SLX4IP: variants seen among roughly 807,000 people sequenced by gnomAD.
SLX4IP encodes SLX4 interacting protein, also known as protein SLX4IP.
In SLX4IP, 34 loss-of-function variants were observed where a neutral mutation model predicts 32.9. The ratio of observed to expected loss-of-function variants is 1.03; its 90% CI spans 0.79 to 1.38. The LOEUF is 1.38. SLX4IP is among the 40% of genes most tolerant of loss of function. The probability of loss-of-function intolerance (pLI) is 0.00; values close to 1 mark genes in which losing one functional copy is unlikely to be tolerated. For synonymous variants in SLX4IP, 172 were observed against 171.7 expected, an observed-to-expected ratio of 1.00 and a Z score of -0.01; for missense variants, 444 against 479.0, an observed-to-expected ratio of 0.93 and a Z score of 0.68.
rs200502559 is a variant in SLX4IP, at chr20:10,537,602, T to TG, written c.28-18627dup. The stretch of plus-strand genomic sequence containing the variant: ...AGACATGATGTTGATCTTTTTATGC[T>TG]GGATCAGTTTGATATTTACAGTTCA... On this transcript the variant is annotated intron_variant, in intron 2 of 7. Coordinates refer to ENST00000334534, the MANE Select transcript of SLX4IP (RefSeq NM_001009608.3). Among the ~76,000 whole-genome samples, 180 of 152,376 alleles carry TG rather than the reference T, an allele frequency of 1.2e-3. 3 individuals carry two copies. In the East Asian group the frequency reaches 0.028, roughly 24 times the overall value.
rs1231776238 is a variant in SLX4IP, at chr20:10,623,069, A to G, written c.917A>G (p.Asp306Gly). 1 of 1,613,984 alleles carries G rather than the reference A, an allele frequency of 6.2e-7. No individual in the cohort carries two copies. The highest frequency in any genetic ancestry group is 8.5e-7 in the Non-Finnish European group (1 of 1,179,958). Residue 306 changes from aspartate (D) to glycine (G), a missense_variant, in exon 8 of 8, where the codon GAC becomes GGC. Transcript: ENST00000334534. The stretch of plus-strand genomic sequence containing the variant: ...AACTGCAGCTCTGCGGAAGACTTCG[A>G]CCACCACGGGAGAGTTTCTCTTGGA... Reference protein sequence around the residue: ...RRNCSSAEDFDHHGRVSLGSD... With the variant: ...RRNCSSAEDFGHHGRVSLGSD...
rs983589450 is a variant in SLX4IP, at chr20:10,441,551, G to T, written c.-30+6098G>T. ...GCAGGAAGGGGAGGCTCAGATCATG[G>T]GTCAACTGACTAGGTTGAGAGTATA... is the stretch of plus-strand genomic sequence containing the variant. On this transcript the variant is annotated intron_variant, in intron 1 of 7. Coordinates refer to ENST00000334534, the MANE Select transcript of SLX4IP (RefSeq NM_001009608.3). Among the ~76,000 whole-genome samples, 5 of 152,264 alleles carry T rather than the reference G, an allele frequency of 3.3e-5. No homozygotes were observed. The South Asian group carries it at 1.0e-3, about 32-fold the overall frequency.
At chr20:10,542,875 C>G (rs1242385415) in intron 2 of SLX4IP, among the ~76,000 whole-genome samples, 2 of 152,168 alleles carry the variant, frequency 1.3e-5, no homozygotes. Flanking sequence ...TGCACTGTCC[C>G]CTTCTTTGCA....
intron 2 of SLX4IP, among the ~76,000 whole-genome samples, chr20:10,503,270 G>T (rs1055427043): frequency 2.0e-5 from 3 of 152,172 alleles, no homozygotes; most frequent in Non-Finnish European, 4.4e-5. Flanking sequence ...AGGTCTACAG[G>T]GTTAAACTAG....
chr20:10,456,840 C>A (rs116435193), intron 1 of SLX4IP, among the ~76,000 whole-genome samples: 3 of 152,112 alleles, frequency 2.0e-5, no homozygotes, highest in African/African-American at 7.2e-5. Flanking sequence ...CTATATTAAC[C>A]GCTTTAAGTC....
At chr20:10,549,247 C>G (rs77725229) in intron 2 of SLX4IP, among the ~76,000 whole-genome samples, 1,839 of 152,298 alleles carry the variant, frequency 0.012, 37 homozygotes, top group African/African-American at 0.042. Context: ...TTTCTTTTCC[C>G]TAACCACCCC....
At chr20:10,437,094 G>A (rs1056368429) in intron 1 of SLX4IP, among the ~76,000 whole-genome samples, 1 of 151,932 alleles carries the variant, frequency 6.6e-6, no homozygotes, top group African/African-American at 2.4e-5. Context: ...GTGGCACCTT[G>A]CTTTCTTCTG....
intron 6 of SLX4IP, among the ~76,000 whole-genome samples, chr20:10,610,407 T>C (rs960790883): frequency 3.3e-5 from 5 of 152,226 alleles, no homozygotes; most frequent in African/African-American, 1.2e-4. Flanking sequence ...CACTTCCCCT[T>C]AGAGACCCGC....
chr20:10,562,521 CG>C (rs1471288634), intron 4 of SLX4IP, among the ~76,000 whole-genome samples: 3 of 151,988 alleles, frequency 2.0e-5, no homozygotes, highest in Non-Finnish European at 4.4e-5. Context: ...GCTAGGGTCT[CG>C]GGGGGTTTTA....
intron 2 of SLX4IP, among the ~76,000 whole-genome samples, chr20:10,514,044 A>G (rs1391178129): frequency 1.3e-5 from 2 of 152,048 alleles, no homozygotes; most frequent in Non-Finnish European, 2.9e-5. Context: ...TCTGGGTGGT[A>G]TTTTTTTGTA....
intron 2 of SLX4IP, among the ~76,000 whole-genome samples, chr20:10,522,246 C>T (rs2065906022): frequency 6.6e-6 from 1 of 152,108 alleles, no homozygotes; most frequent in South Asian, 2.1e-4. Context: ...TATTAGTTTT[C>T]TCTTAATGTT....
At chr20:10,458,737 C>T (rs543072406) in intron 2 of SLX4IP, among the ~76,000 whole-genome samples, 1 of 152,098 alleles carries the variant, frequency 6.6e-6, no homozygotes, top group African/African-American at 2.4e-5. Context: ...GTATATGTAC[C>T]ACATTTTCTT....
chr20:10,622,809 G>T lies in SLX4IP; in HGVS notation c.657G>T (p.Met219Ile), dbSNP rs755669723. ...QASSSPPSES[M>I]GQAKDSIKAA... ...CCTCCAGTCCCCCATCAGAATCCATGGGACAAGCAAAGGATTCCATAAAGG... is the reference window on the plus strand; with the variant it reads ...CCTCCAGTCCCCCATCAGAATCCATTGGACAAGCAAAGGATTCCATAAAGG... The change falls in exon 8 of 8, where the codon ATG (methionine) becomes ATT (isoleucine). Residue 219 changes from methionine to isoleucine, a missense_variant. Met to Ile is a conservative substitution (Grantham distance 10). Transcript: ENST00000334534. 4.0e-5 allele frequency: 65 copies of T among 1,614,028 alleles called. 1 individual carries two copies. The South Asian group carries it at 7.0e-4, about 17-fold the overall frequency.
rs987045737 is a variant in SLX4IP at position 10,622,917 on chromosome 20, A to T, written c.765A>T (p.Gln255His). 10 of 1,614,050 alleles carry T rather than the reference A, an allele frequency of 6.2e-6. No individual in the cohort carries two copies. In the African/African-American group the frequency reaches 9.3e-5, roughly 15 times the overall value. The stretch of plus-strand genomic sequence containing the variant: ...AGCCAGAAGACACTAGTGGCCAGCA[A>T]AAACCTCATCCTGGGGAGCGGTTAA... Reference protein sequence around the residue: ...QTQPEDTSGQQKPHPGERLKT... With the variant: ...QTQPEDTSGQHKPHPGERLKT... Residue 255 changes from glutamine (Q) to histidine (H), a missense_variant, in exon 8 of 8, where the codon CAA (glutamine) becomes CAT (histidine). Gln to His is a conservative substitution (Grantham distance 24). Coordinates refer to ENST00000334534, the MANE Select transcript of SLX4IP (RefSeq NM_001009608.3).
At chr20:10,514,963 T>C (rs1168329442) in intron 2 of SLX4IP, among the ~76,000 whole-genome samples, 1 of 152,106 alleles carries the variant, frequency 6.6e-6, no homozygotes, top group Non-Finnish European at 1.5e-5. Context: ...TTTGGGAATG[T>C]GGACAATTTG....
intron 2 of SLX4IP, among the ~76,000 whole-genome samples, chr20:10,472,905 T>A (rs1223846773): frequency 1.3e-5 from 2 of 152,204 alleles, no homozygotes; most frequent in African/African-American, 2.4e-5. Flanking sequence ...TAAAAATGTT[T>A]AGGTGTTTAA....
intron 2 of SLX4IP, among the ~76,000 whole-genome samples, chr20:10,476,233 C>T (rs2122372581): frequency 6.6e-6 from 1 of 152,210 alleles, no homozygotes; most frequent in East Asian, 1.9e-4. Context: ...TGTCATTCTA[C>T]TAAACTTTTT....
At chr20:10,505,815 T>C (rs1351969446) in intron 2 of SLX4IP, among the ~76,000 whole-genome samples, 2 of 152,234 alleles carry the variant, frequency 1.3e-5, no homozygotes, top group Non-Finnish European at 2.9e-5. Context: ...AATTCTTTTT[T>C]TTTTCAAAAA....
At chr20:10,548,106 T>C (rs1174912700) in intron 2 of SLX4IP, among the ~76,000 whole-genome samples, 1 of 152,218 alleles carries the variant, frequency 6.6e-6, no homozygotes, top group African/African-American at 2.4e-5. Flanking sequence ...ATTTTGTATA[T>C]AGGGAAACTG....
Sources: gnomAD v4.1 joint callset for allele counts (sites outside exome capture counted in the v4.1 genomes callset) on GRCh38, gnomAD v4.1.1 for gene constraint, MANE v1.5 for transcripts, NCBI Gene and HGNC (gene_info 2026-07-23, HGNC 2026-07-21) for gene names.